Variants in TBC1D31 observed in about 807,000 individuals in gnomAD.
The protein encoded by TBC1D31 is TBC1 domain family member 31.
Under a neutral mutation model 132.9 loss-of-function variants are expected in TBC1D31, and 99 were observed. The observed-to-expected ratio is 0.74, with a 90% CI of 0.63 to 0.88. The LOEUF is 0.88. TBC1D31 is among the 40% of genes least tolerant of loss of function. The probability of loss-of-function intolerance (pLI) is 0.00; values close to 1 mark genes in which losing one functional copy is unlikely to be tolerated. For synonymous variants in TBC1D31, 385 were observed against 419.4 expected (o/e 0.92, Z 1.00); for missense variants, 1,134 against 1,256.6 (o/e 0.90, Z 1.48).
chr8:123,139,173 A>G lies in TBC1D31; in HGVS notation c.2500-1588A>G, dbSNP rs551356338. 3.1e-4 allele frequency among the ~76,000 whole-genome samples: 46 copies of G among 149,350 alleles called. 1 individual carries two copies. The highest frequency in any genetic ancestry group is 1.1e-3 in the African/African-American group (43 of 40,358). Reference sequence around the variant, plus strand: ...TTTTTTGTTGAAAACTAGACATTTTAAATACAATGCTCCTCAACTTATGAT... The same window carrying G: ...TTTTTTGTTGAAAACTAGACATTTTGAATACAATGCTCCTCAACTTATGAT... On this transcript the variant is annotated intron_variant, in intron 17 of 21. Transcript: ENST00000287380.
At chr8:123,142,555 A>T (rs1460354822) in intron 19 of TBC1D31, 99 bp downstream of exon 19, 2 of 1,008,006 alleles carry the variant, frequency 2.0e-6, no homozygotes, top group African/African-American at 3.4e-5. Context: ...TCGAAATTCA[A>T]ACTCGGGGCC....
rs202057943 is a variant in TBC1D31 at position 123,084,353 on chromosome 8, G to T, written c.519+13G>T. ...GGGTATACAGAAGGTCAGTGAGGGGGTACATCTTGGTCTGTTGTGCTTCTC... is the reference window on the plus strand; with the variant it reads ...GGGTATACAGAAGGTCAGTGAGGGGTTACATCTTGGTCTGTTGTGCTTCTC... On this transcript the variant is annotated intron_variant, in intron 4 of 21. Coordinates refer to ENST00000287380, the MANE Select transcript of TBC1D31 (RefSeq NM_145647.4). 118 of 1,612,764 alleles carry T rather than the reference G, an allele frequency of 7.3e-5. No individual in the cohort carries two copies. The African/African-American group carries it at 1.5e-3, about 20-fold the overall frequency.
intron 8 of TBC1D31, among the ~76,000 whole-genome samples, chr8:123,108,372 G>C (rs1818137895): frequency 6.6e-6 from 1 of 152,056 alleles, no homozygotes; most frequent in Non-Finnish European, 1.5e-5. Flanking sequence ...TGACTTTAAA[G>C]TCTTAGATAT....
intron 16 of TBC1D31, 116 bp from the exon 17 acceptor site, chr8:123,133,998 A>T (rs1820851903): frequency 1.4e-5 from 9 of 646,188 alleles, no homozygotes; most frequent in Non-Finnish European, 2.3e-5. Flanking sequence ...TCAAAAACCC[A>T]GTTGCTGTTA....
chr8:123,084,100 T>C, intron 3 of TBC1D31, 62 bp from the exon 4 acceptor site: 2 of 1,404,470 alleles, frequency 1.4e-6, no homozygotes, highest in Admixed American at 3.5e-5. Context: ...GGTGTTTATA[T>C]GTAATGTTAC....
At chr8:123,093,798 A>C (rs1816583096) in intron 5 of TBC1D31, 56 bp downstream of exon 5, 1 of 1,240,790 alleles carries the variant, frequency 8.1e-7, no homozygotes, top group Non-Finnish European at 1.1e-6. Flanking sequence ...TCTGGTAAAA[A>C]ATTACAAATT....
chr8:123,099,347 C>T (rs1186087742), intron 6 of TBC1D31, among the ~76,000 whole-genome samples: 7 of 152,138 alleles, frequency 4.6e-5, no homozygotes, highest in Non-Finnish European at 1.0e-4. Flanking sequence ...GTCTTGATCT[C>T]CTGACCTCGT....
chr8:123,152,707 C>T (rs755503442), downstream of TBC1D31, among the ~76,000 whole-genome samples: 3 of 152,078 alleles, frequency 2.0e-5, no homozygotes, highest in Non-Finnish European at 4.4e-5. Flanking sequence ...CCTTTCTCTA[C>T]TAAAAATAGA....
chr8:123,114,617 C>A (rs985930478), intron 10 of TBC1D31, among the ~76,000 whole-genome samples: 2 of 152,070 alleles, frequency 1.3e-5, no homozygotes, highest in Non-Finnish European at 2.9e-5. Flanking sequence ...TCACTGCACC[C>A]GGCCTGTGAT....
the TBC1D31 span, among the ~76,000 whole-genome samples, chr8:123,164,054 T>C: frequency 1.3e-5 from 2 of 152,240 alleles, no homozygotes; most frequent in Admixed American, 6.5e-5. Context: ...GAGCTTGCCA[T>C]ATTTGTCTTT....
rs188621284 is a variant in TBC1D31, at chr8:123,117,022, G to T, written c.1437-3033G>T. ...TTGATGCTAAAATTACTGGACAAAA[G>T]TTCTAGGAGTGCCTGGGCACGGTGG... On this transcript the variant is annotated intron_variant, in intron 10 of 21. Transcript: ENST00000287380. Among the ~76,000 whole-genome samples the T allele has an allele frequency of 1.2e-3, 183 of 152,286 alleles. 1 individual carries two copies. Among genetic ancestry groups the T allele is most frequent in the South Asian group, 2.5e-3 (12 of 4,824 alleles).
At chr8:123,117,752 CAAAA>C (rs71310657) in intron 10 of TBC1D31, among the ~76,000 whole-genome samples, 5 of 89,930 alleles carry the variant, frequency 5.6e-5, no homozygotes, top group African/African-American at 2.1e-4. Flanking sequence ...AACTCCGTCT[CAAAA>C]AAAAAAAAAA....
chr8:123,111,307 G>A (rs1490093271), intron 10 of TBC1D31, among the ~76,000 whole-genome samples: 1 of 152,132 alleles, frequency 6.6e-6, no homozygotes, highest in Non-Finnish European at 1.5e-5. Flanking sequence ...TATAAACCGG[G>A]AAATTTCTCC....
At chr8:123,163,329 G>C in the TBC1D31 span, among the ~76,000 whole-genome samples, 1 of 145,508 alleles carries the variant, frequency 6.9e-6, no homozygotes, top group Non-Finnish European at 1.5e-5. Context: ...TTAAATTGTG[G>C]TAAATATATG....
intron 10 of TBC1D31, among the ~76,000 whole-genome samples, chr8:123,119,417 A>G (rs1349183119): frequency 1.3e-5 from 2 of 152,218 alleles, no homozygotes; most frequent in Non-Finnish European, 2.9e-5. Flanking sequence ...ATCATGTTAA[A>G]GAAATGAAGG....
rs534792980 is a variant in TBC1D31, at chr8:123,134,068, T to A, written c.2407-46T>A. 251 of 1,428,566 alleles carry A rather than the reference T, an allele frequency of 1.8e-4. 2 individuals are homozygous for A. The South Asian group carries it at 3.0e-3, about 17-fold the overall frequency. The allele number at this position is 1,428,566 out of a possible 1,614,324, so 88.5% of individuals were successfully genotyped here. On this transcript the variant is annotated intron_variant, in intron 16 of 21. Coordinates refer to ENST00000287380, the MANE Select transcript of TBC1D31 (RefSeq NM_145647.4). ...GGATTACTAAATATATTAAAAATTA[T>A]TTTGTAAATTCTTTTTGGTATTTAC... is the stretch of plus-strand genomic sequence containing the variant.
In TBC1D31 at chr8:123,120,212, T is replaced by C. The variant is rs149615687; in HGVS notation, c.1570+24T>C. On this transcript the variant is annotated intron_variant, in intron 11 of 21. Coordinates refer to ENST00000287380, the MANE Select transcript of TBC1D31 (RefSeq NM_145647.4). ...AAGTAAGTAAATACTTGTTAAAGTA[T>C]AAGATCAAGAATGGATTCTTATACA... The C allele has an allele frequency of 3.0e-4, 465 of 1,569,102 alleles. No homozygotes were observed. The African/African-American group carries it at 4.9e-3, about 17-fold the overall frequency.
intron 2 of TBC1D31, 178 bp from the exon 3 acceptor site, chr8:123,082,524 T>G (rs1586558103): frequency 1.8e-6 from 1 of 570,870 alleles, no homozygotes; most frequent in East Asian, 3.0e-5. Flanking sequence ...TGGTTTCCTA[T>G]TCTGATAACA....
chr8:123,154,875 A>G (rs1453156070), downstream of TBC1D31, among the ~76,000 whole-genome samples: 1 of 152,210 alleles, frequency 6.6e-6, no homozygotes, highest in East Asian at 1.9e-4. Context: ...GCCAAACAGC[A>G]CATTGGAGCA....
Sources: allele counts gnomAD v4.1 joint callset (sites outside exome capture counted in the v4.1 genomes callset), GRCh38; gene constraint gnomAD v4.1.1; transcripts MANE v1.5; gene names NCBI Gene and HGNC (gene_info 2026-07-23, HGNC 2026-07-21).